The following ARMH4 variants were observed in gnomAD, a reference collection of about 807,000 sequenced individuals.
ARMH4 encodes armadillo like helical domain containing 4.
ARMH4 carries 49 observed loss-of-function variants against 61.9 expected under a neutral mutation model. The observed-to-expected ratio is 0.79, with a 90% CI of 0.63 to 1.00. The LOEUF (loss-of-function observed/expected upper bound fraction) is 1.00. ARMH4 is among the 50% of genes least tolerant of loss of function. The pLI, the probability that ARMH4 is intolerant of heterozygous loss-of-function variation, is 0.00. For synonymous variants in ARMH4, 368 were observed against 341.5 expected, an observed-to-expected ratio of 1.08 and a Z score of -0.85; for missense variants, 934 against 930.0, an observed-to-expected ratio of 1.00 and a Z score of -0.06.
At chr14:58,020,775 C>T (rs76269420) in intron 5 of ARMH4, among the ~76,000 whole-genome samples, 4,757 of 152,142 alleles carry the variant, frequency 0.031, 93 homozygotes, top group Middle Eastern at 0.075. Context: ...TTAGGGTGAA[C>T]CTTAAAACTC....
At chr14:58,131,295 G>A in intron 4 of ARMH4, 1 of 487,746 alleles carries the variant, frequency 2.1e-6, no homozygotes, top group East Asian at 3.2e-5. Flanking sequence ...TTCTTCTTTT[G>A]ACTTTTTTTT....
At chr14:58,103,523 C>A (rs144210688) in intron 4 of ARMH4, among the ~76,000 whole-genome samples, 1 of 151,750 alleles carries the variant, frequency 6.6e-6, no homozygotes, top group Non-Finnish European at 1.5e-5. Context: ...TCCCGCCCCC[C>A]CCAAAAAAAA....
intron 6 of ARMH4, among the ~76,000 whole-genome samples, chr14:58,011,397 C>G (rs953457399): frequency 6.6e-6 from 1 of 152,068 alleles, no homozygotes; most frequent in African/African-American, 2.4e-5. Flanking sequence ...TTGAAGGCAA[C>G]TCAATATCTG....
chr14:58,041,721 A>G (rs57438968), intron 5 of ARMH4, among the ~76,000 whole-genome samples: 9,324 of 152,260 alleles, frequency 0.061, 356 homozygotes, highest in African/African-American at 0.1. Context: ...AGAGACACAC[A>G]TAGGATCAAA....
At chr14:58,113,706 T>G (rs941808641) in intron 4 of ARMH4, among the ~76,000 whole-genome samples, 1 of 152,128 alleles carries the variant, frequency 6.6e-6, no homozygotes, top group Non-Finnish European at 1.5e-5. Context: ...CTCACTTGTC[T>G]CTTTGTGCTA....
At position 58,002,465 on chromosome 14, in the gene ARMH4, AAT is replaced by A. The variant is rs990319304; in HGVS notation, c.*2269_*2270del. The stretch of plus-strand genomic sequence containing the variant: ...TCCTCACGGACCTCTGAGAAATGAA[AAT>A]ATGGGTCTGTTATTTGGGAATTTAT... On this transcript the variant is annotated 3_prime_UTR_variant, in exon 8 of 8. Coordinates refer to ENST00000267485, the MANE Select transcript of ARMH4 (RefSeq NM_001001872.4). 1 of 152,198 alleles carries A rather than the reference AAT, an allele frequency of 6.6e-6. No homozygotes were observed. The highest frequency in any genetic ancestry group is 2.4e-5 in the African/African-American group (1 of 41,462). The allele number at this position is 152,198 out of a possible 1,614,324, so 9.4% of individuals were successfully genotyped here. A position where few individuals can be genotyped will look rare whatever the true frequency, so the allele number is the denominator to read the frequency against.
At chr14:58,113,082 C>A (rs1368002929) in intron 4 of ARMH4, among the ~76,000 whole-genome samples, 1 of 152,106 alleles carries the variant, frequency 6.6e-6, no homozygotes, top group Non-Finnish European at 1.5e-5. Flanking sequence ...AACCCATATT[C>A]TTTTTTAAAA....
intron 5 of ARMH4, among the ~76,000 whole-genome samples, chr14:58,070,679 C>G (rs1218589056): frequency 6.6e-6 from 1 of 152,184 alleles, no homozygotes. Context: ...GGGTATCCAT[C>G]CCCTCAAGCT....
At position 58,050,567 on chromosome 14, in the gene ARMH4, A is replaced by G. The variant is rs745310453; in HGVS notation, c.2090-38417T>C. Among the ~76,000 whole-genome samples, 34 of 152,184 alleles carry G rather than the reference A, an allele frequency of 2.2e-4. 1 individual carries two copies. Among genetic ancestry groups the G allele is most frequent in the Admixed American group, 1.4e-3 (22 of 15,284 alleles). The stretch of plus-strand genomic sequence containing the variant: ...ACAGTTCCCAGAGCAATAGGCCTGA[A>G]GGTAAGGAAGAGCTGAGCTGTTGAC... On this transcript the variant is annotated intron_variant, in intron 5 of 7. Coordinates refer to ENST00000267485, the MANE Select transcript of ARMH4 (RefSeq NM_001001872.4).
chr14:58,004,927 A>G, intron 7 of ARMH4, 121 bp downstream of exon 7: 1 of 1,534,274 alleles, frequency 6.5e-7, no homozygotes, highest in Non-Finnish European at 9.0e-7. Flanking sequence ...CAGCTAATCC[A>G]GACCACTGGG....
chr14:58,018,909 A>G (rs1882712981), intron 5 of ARMH4, among the ~76,000 whole-genome samples: 2 of 152,210 alleles, frequency 1.3e-5, no homozygotes, highest in Admixed American at 6.5e-5. Context: ...TGGTTACTGT[A>G]TATAAACACA....
At position 58,096,965 on chromosome 14, in the gene ARMH4, C is replaced by T; in HGVS notation, c.1848G>A (p.Glu616=). The T allele has an allele frequency of 6.2e-7, 1 of 1,613,582 alleles. No homozygotes were observed. Among genetic ancestry groups the T allele is most frequent in the Non-Finnish European group, 8.5e-7 (1 of 1,179,620 alleles). The change falls in exon 5 of 8, where the codon GAG becomes GAA. Residue 616 remains glutamate (E), a synonymous_variant. Coordinates refer to ENST00000267485, the MANE Select transcript of ARMH4 (RefSeq NM_001001872.4). ...QLESEEGQED[E]DEEDEEDEDE... ...CTTCATCTTCTTCATCCTCTTCATCCTCATCTTCTTGTCCCTCTAGGCAAA... is the reference window on the plus strand; with the variant it reads ...CTTCATCTTCTTCATCCTCTTCATCTTCATCTTCTTGTCCCTCTAGGCAAA...
chr14:58,013,435 TA>T (rs1435673614), intron 5 of ARMH4, among the ~76,000 whole-genome samples: 1 of 152,168 alleles, frequency 6.6e-6, no homozygotes, highest in East Asian at 1.9e-4. Context: ...AGGAGCCATA[TA>T]AAAGCATGCA....
At position 58,139,787 on chromosome 14, in the gene ARMH4, T is replaced by C. The variant is rs1887469966; in HGVS notation, c.-56-373A>G. Among the ~76,000 whole-genome samples the C allele has an allele frequency of 1.3e-5, 2 of 152,150 alleles. 1 individual carries two copies. Among genetic ancestry groups the C allele is most frequent in the South Asian group, 4.1e-4 (2 of 4,828 alleles). On this transcript the variant is annotated intron_variant, in intron 1 of 7. Transcript: ENST00000267485. ...TAGAAATAGCAACATGTCCAAGAAA[T>C]AAAAAGTAAGTCTTACACATTCATT...
intron 1 of ARMH4, among the ~76,000 whole-genome samples, chr14:58,142,450 G>GTTTCT (rs924461904): frequency 8.6e-5 from 13 of 151,412 alleles, no homozygotes; most frequent in South Asian, 2.1e-4. Flanking sequence ...TCCTTTTTTT[G>GTTTCT]TTTCTTTTCT....
intron 5 of ARMH4, 112 bp downstream of exon 5, chr14:58,096,612 A>G: frequency 7.9e-7 from 1 of 1,268,876 alleles, no homozygotes; most frequent in South Asian, 1.6e-5. Context: ...CCACCCATAA[A>G]CAAAGAAAAT....
chr14:58,043,659 C>G (rs1475054155), intron 5 of ARMH4, among the ~76,000 whole-genome samples: 1 of 152,202 alleles, frequency 6.6e-6, no homozygotes, highest in East Asian at 1.9e-4. Context: ...AAGAGGAAGT[C>G]CAATTGTCCC....
chr14:58,143,811 T>C (rs1424704342), intron 1 of ARMH4, among the ~76,000 whole-genome samples: 1 of 144,052 alleles, frequency 6.9e-6, no homozygotes, highest in East Asian at 2.0e-4. Context: ...TCTTGCTCTG[T>C]CACCCAGGTC....
At chr14:58,135,493 T>C (rs1887274176) in intron 2 of ARMH4, among the ~76,000 whole-genome samples, 1 of 152,222 alleles carries the variant, frequency 6.6e-6, no homozygotes, top group South Asian at 2.1e-4. Flanking sequence ...TGTAATTTTA[T>C]GAAATAGCAA....
Sources: allele counts gnomAD v4.1 joint callset (sites outside exome capture counted in the v4.1 genomes callset), GRCh38; gene constraint gnomAD v4.1.1; transcripts MANE v1.5; gene names NCBI Gene and HGNC (gene_info 2026-07-23, HGNC 2026-07-21).